The following ZNF451 variants were observed in gnomAD, a reference collection of about 807,000 sequenced individuals.
The protein encoded by ZNF451 is zinc finger protein 451.
Under a neutral mutation model 107.1 loss-of-function variants are expected in ZNF451, and 80 were observed. That is an observed-to-expected ratio of 0.75 (90% CI 0.62 to 0.90). The LOEUF (loss-of-function observed/expected upper bound fraction) is 0.90, where lower values mean the gene tolerates loss of function less well. Among genes scored for constraint, ZNF451 ranks in the 40% least tolerant of loss-of-function variants. The pLI is 0.00. For synonymous variants in ZNF451, 362 were observed against 406.5 expected, an observed-to-expected ratio of 0.89 and a Z score of 1.32; for missense variants, 1,107 against 1,236.2, an observed-to-expected ratio of 0.90 and a Z score of 1.57.
Position 57,141,003 on chromosome 6 carries a change from T to C in ZNF451, c.703-299T>C, listed in dbSNP as rs922861985. Among the ~76,000 whole-genome samples, 6 of 152,326 alleles carry C rather than the reference T, an allele frequency of 3.9e-5. No individual in the cohort carries two copies. In the South Asian group the frequency reaches 1.2e-3, roughly 32 times the overall value. On this transcript the variant is annotated intron_variant, in intron 7 of 14. Coordinates refer to ENST00000370706, the MANE Select transcript of ZNF451 (RefSeq NM_001031623.3). ...TGATCACATTTATGCATTTATATAT[T>C]ACATGTGAATGTGTATGTAAAAATG...
intron 9 of ZNF451, 69 bp downstream of exon 9, chr6:57,142,164 C>A: frequency 1.4e-6 from 2 of 1,450,304 alleles, no homozygotes; most frequent in South Asian, 1.5e-5. Context: ...TCAACAAATA[C>A]ATTTTCTTTC....
intron 3 of ZNF451, among the ~76,000 whole-genome samples, chr6:57,123,182 A>C (rs1336328234): frequency 6.6e-6 from 1 of 152,146 alleles, no homozygotes; most frequent in African/African-American, 2.4e-5. Context: ...ATAAATAATA[A>C]ATCATTTCAC....
chr6:57,162,660 T>C (rs531208835), intron 14 of ZNF451, among the ~76,000 whole-genome samples: 6 of 152,304 alleles, frequency 3.9e-5, no homozygotes, highest in African/African-American at 1.4e-4. Context: ...ATCTAAAGAG[T>C]TCAGATTTTG....
At chr6:57,123,733 T>C (rs1045894952) in intron 3 of ZNF451, among the ~76,000 whole-genome samples, 3 of 152,242 alleles carry the variant, frequency 2.0e-5, no homozygotes, top group African/African-American at 7.2e-5. Flanking sequence ...CATAAAGATG[T>C]ACACATTTTG....
chr6:57,143,130 A>G lies in ZNF451; in HGVS notation c.1004+1035A>G, dbSNP rs150451890. On this transcript the variant is annotated intron_variant, in intron 9 of 14. Transcript: ENST00000370706. ...GAATTTCTAGAATATACAAATATTT[A>G]TGAGTATATTTTCCTGTGATTTTGC... Among the ~76,000 whole-genome samples, 15 of 152,200 alleles carry G rather than the reference A, an allele frequency of 9.9e-5. No homozygotes were observed. In the South Asian group the frequency reaches 1.7e-3, roughly 17 times the overall value.
rs551672424 is a variant in ZNF451, at chr6:57,114,297, A to G, written c.187-10437A>G. ...AATAAGCATATATTTTTAAGTTTCA[A>G]CTTTTAATTTGACTAAGTGTACTTT... On this transcript the variant is annotated intron_variant, in intron 3 of 14. Transcript: ENST00000370706. 2.6e-3 allele frequency among the ~76,000 whole-genome samples: 401 copies of G among 152,322 alleles called. 5 individuals are homozygous for G. The highest frequency in any genetic ancestry group is 8.9e-3 in the African/African-American group (371 of 41,578).
intron 3 of ZNF451, among the ~76,000 whole-genome samples, chr6:57,122,488 G>T (rs1830686641): frequency 1.3e-5 from 2 of 152,094 alleles, no homozygotes; most frequent in Non-Finnish European, 2.9e-5. Context: ...CCTGACAAAG[G>T]ACTAATATCC....
chr6:57,116,918 A>G (rs964673432), intron 3 of ZNF451: 5 of 151,532 alleles, frequency 3.3e-5, no homozygotes, highest in African/African-American at 1.2e-4. Context: ...AGAGGACCTT[A>G]TCTCTAAAGG....
At chr6:57,098,110 C>T (rs1346035995) in intron 2 of ZNF451, among the ~76,000 whole-genome samples, 3 of 150,948 alleles carry the variant, frequency 2.0e-5, no homozygotes, top group African/African-American at 7.3e-5. Context: ...GCTGGGACTA[C>T]AGGCACGCAC....
At chr6:57,109,307 T>G (rs2127947326) in intron 3 of ZNF451, 1 of 985,366 alleles carries the variant, frequency 1.0e-6, no homozygotes, top group South Asian at 4.7e-5. Flanking sequence ...ACACACATTT[T>G]TTTTTTTTAA....
At chr6:57,120,490 G>C (rs953971162) in intron 3 of ZNF451, among the ~76,000 whole-genome samples, 2 of 152,164 alleles carry the variant, frequency 1.3e-5, no homozygotes, top group African/African-American at 4.8e-5. Context: ...TTTCAAAGTG[G>C]CTATACCATT....
intron 13 of ZNF451, among the ~76,000 whole-genome samples, chr6:57,157,300 A>G (rs938242763): frequency 2.6e-5 from 4 of 151,716 alleles, no homozygotes; most frequent in Non-Finnish European, 4.4e-5. Context: ...ATATGGTATC[A>G]TACTAGGAGA....
intron 13 of ZNF451, among the ~76,000 whole-genome samples, chr6:57,159,898 A>G (rs2127987044): frequency 6.6e-6 from 1 of 152,284 alleles, no homozygotes. Context: ...ATATGTCTAT[A>G]TGATTTGTAT....
intron 3 of ZNF451, among the ~76,000 whole-genome samples, chr6:57,113,872 C>T (rs999210940): frequency 1.3e-5 from 2 of 152,120 alleles, no homozygotes; most frequent in African/African-American, 2.4e-5. Context: ...CTGCCCACCT[C>T]GGCCTCCCAA....
intron 4 of ZNF451, among the ~76,000 whole-genome samples, chr6:57,126,750 G>A (rs997229518): frequency 1.1e-4 from 17 of 152,180 alleles, no homozygotes; most frequent in African/African-American, 7.2e-5. Context: ...GTGAAACCCC[G>A]TCTGTACTAA....
At chr6:57,127,418 T>G (rs1216176271) in intron 4 of ZNF451, among the ~76,000 whole-genome samples, 1 of 152,182 alleles carries the variant, frequency 6.6e-6, no homozygotes, top group Non-Finnish European at 1.5e-5. Context: ...TTGAACAATG[T>G]TATGTAGATT....
Position 57,148,304 on chromosome 6 carries a change from G to A in ZNF451, c.2219G>A (p.Arg740Lys). 6.2e-7 allele frequency: 1 copy of A among 1,614,030 alleles called. No homozygotes were observed. Among genetic ancestry groups the A allele is most frequent in the African/African-American group, 1.3e-5 (1 of 75,032 alleles). The change falls in exon 10 of 15, where the codon AGA becomes AAA. Residue 740 changes from arginine to lysine, a missense_variant. Around this residue, in one of 5 missense-constraint regions of ZNF451, gnomAD observed 608 missense variants for 649.2 expected, o/e 0.94. Coordinates refer to ENST00000370706, the MANE Select transcript of ZNF451 (RefSeq NM_001031623.3). ...GTCAACAGAAAAGAAGATTATAGCA[G>A]ATGTCTCCAAATCATGCTGGATAAA... ...CKVNRKEDYS[R>K]CLQIMLDKGK...
intron 3 of ZNF451, chr6:57,109,134 C>T (rs1159075959): frequency 3.0e-6 from 3 of 985,332 alleles, no homozygotes; most frequent in Admixed American, 6.1e-5. Context: ...GAACCCTATC[C>T]TCTTAGTTCT....
chr6:57,106,731 G>A (rs1829882567), intron 3 of ZNF451: 2 of 982,766 alleles, frequency 2.0e-6, no homozygotes, highest in South Asian at 9.4e-5. Context: ...TCCAATAATT[G>A]ATTGTCTCAT....
Sources: gnomAD v4.1 joint callset for allele counts (sites outside exome capture counted in the v4.1 genomes callset) on GRCh38, gnomAD v4.1.1 for gene constraint, gnomAD v4.1.1 regional missense constraint, MANE v1.5 for transcripts, NCBI Gene and HGNC (gene_info 2026-07-23, HGNC 2026-07-21) for gene names.